The following ARHGAP26 variants were observed in gnomAD, a reference collection of about 807,000 sequenced individuals.
ARHGAP26 encodes Rho GTPase activating protein 26.
ARHGAP26 carries 38 observed loss-of-function variants against 104.8 expected under a neutral mutation model. That is an observed-to-expected ratio of 0.36 (90% CI 0.28 to 0.48). ARHGAP26 has a LOEUF of 0.48. ARHGAP26 is among the 20% of genes least tolerant of loss of function. The pLI, the probability that ARHGAP26 is intolerant of heterozygous loss-of-function variation, is 0.99. For synonymous variants in ARHGAP26, 341 were observed against 340.0 expected (o/e 1.00, Z -0.03); for missense variants, 704 against 947.9 (o/e 0.74, Z 3.38).
chr5:143,119,475 C>T (rs1362107741), intron 17 of ARHGAP26, among the ~76,000 whole-genome samples: 2 of 152,136 alleles, frequency 1.3e-5, no homozygotes, highest in Non-Finnish European at 2.9e-5. Context: ...GGCACAGAAC[C>T]GAAGTCTCTC....
At chr5:142,891,396 C>T (rs1021200214) in intron 5 of ARHGAP26, among the ~76,000 whole-genome samples, 3 of 151,938 alleles carry the variant, frequency 2.0e-5, no homozygotes, top group African/African-American at 7.3e-5. Flanking sequence ...TGAGAATGTC[C>T]ATTGCTGTGG....
At chr5:142,862,272 G>A (rs1753506942) in intron 1 of ARHGAP26, among the ~76,000 whole-genome samples, 1 of 152,214 alleles carries the variant, frequency 6.6e-6, no homozygotes, top group Non-Finnish European at 1.5e-5. Flanking sequence ...GATGTGGAAA[G>A]ACAGTAAGTT....
At chr5:143,204,396 G>A (rs563928383) in intron 20 of ARHGAP26, among the ~76,000 whole-genome samples, 1 of 152,024 alleles carries the variant, frequency 6.6e-6, no homozygotes, top group South Asian at 2.1e-4. Flanking sequence ...TGGTGGGGGG[G>A]ATCTATAATC....
intron 11 of ARHGAP26, among the ~76,000 whole-genome samples, chr5:142,999,659 A>G (rs1342945612): frequency 6.6e-6 from 1 of 152,192 alleles, no homozygotes; most frequent in Admixed American, 6.5e-5. Flanking sequence ...CATAAAATCT[A>G]AAACTATAAA....
At chr5:142,991,736 A>G (rs553703363) in intron 11 of ARHGAP26, among the ~76,000 whole-genome samples, 2 of 152,380 alleles carry the variant, frequency 1.3e-5, no homozygotes, top group Admixed American at 6.5e-5. Context: ...CCTAGGAACA[A>G]TAGGCTACAC....
At chr5:142,907,872 T>A in intron 9 of ARHGAP26, 68 bp downstream of exon 9, 1 of 1,088,572 alleles carries the variant, frequency 9.2e-7, no homozygotes, top group Non-Finnish European at 1.4e-6. Flanking sequence ...AATGCATGTA[T>A]AAAGTAACAC....
intron 5 of ARHGAP26, among the ~76,000 whole-genome samples, chr5:142,890,092 C>T (rs188120396): frequency 0.029 from 3,952 of 134,940 alleles, 69 homozygotes; most frequent in Middle Eastern, 0.064. Context: ...GCCGAATTCG[C>T]GCCATTGTAC....
At chr5:143,120,377 A>T (rs1001214429) in intron 17 of ARHGAP26, among the ~76,000 whole-genome samples, 4 of 152,216 alleles carry the variant, frequency 2.6e-5, no homozygotes, top group African/African-American at 9.6e-5. Context: ...AGCCATATAG[A>T]TGAATATACA....
intron 11 of ARHGAP26, among the ~76,000 whole-genome samples, chr5:143,011,666 T>A (rs1248942452): frequency 6.6e-6 from 1 of 152,134 alleles, no homozygotes; most frequent in Non-Finnish European, 1.5e-5. Flanking sequence ...CTCCAACCCC[T>A]TTGTTTGTGC....
At chr5:143,009,248 C>T (rs547065191) in intron 11 of ARHGAP26, among the ~76,000 whole-genome samples, 8 of 152,238 alleles carry the variant, frequency 5.3e-5, no homozygotes, top group East Asian at 3.9e-4. Context: ...TTCTTCCTTC[C>T]GGTGATTCAC....
Position 143,227,436 on chromosome 5 carries a change from A to G in ARHGAP26, c.*4990A>G, listed in dbSNP as rs755232824. The G allele has an allele frequency of 4.3e-6, 1 of 231,132 alleles. No individual in the cohort carries two copies. Among genetic ancestry groups the G allele is most frequent in the Non-Finnish European group, 8.6e-6 (1 of 116,766 alleles). 14.3% of individuals were successfully genotyped at this position (231,132 alleles called of 1,614,324 possible). A position where few individuals can be genotyped will look rare whatever the true frequency, so the allele number is the denominator to read the frequency against. Reference sequence around the variant, plus strand: ...ACCCACCCTGTGCTGGTGTCTAACAAATTTATCTTGTCATGCTCAAATGTG... The same window carrying G: ...ACCCACCCTGTGCTGGTGTCTAACAGATTTATCTTGTCATGCTCAAATGTG... On this transcript the variant is annotated 3_prime_UTR_variant, in exon 23 of 23. Transcript: ENST00000645722.
chr5:143,093,684 CTCTCTGCT>C (rs1791831242), intron 17 of ARHGAP26, among the ~76,000 whole-genome samples: 1 of 151,976 alleles, frequency 6.6e-6, no homozygotes, highest in Non-Finnish European at 1.5e-5. Flanking sequence ...CCCCTTTCTC[CTCTCTGCT>C]AGTCTTTCCC....
At chr5:143,086,996 G>C (rs3776318) in intron 17 of ARHGAP26, among the ~76,000 whole-genome samples, 9 of 152,168 alleles carry the variant, frequency 5.9e-5, no homozygotes, top group African/African-American at 2.2e-4. Context: ...TGAGTTTTAC[G>C]AGCTTGCTAG....
chr5:142,842,940 C>T (rs184867728), intron 1 of ARHGAP26, among the ~76,000 whole-genome samples: 2 of 152,290 alleles, frequency 1.3e-5, no homozygotes, highest in Middle Eastern at 3.4e-3. Flanking sequence ...TGAAGAATCA[C>T]ATCAGTTAGA....
intron 20 of ARHGAP26, among the ~76,000 whole-genome samples, chr5:143,161,452 T>C (rs1432020602): frequency 6.6e-6 from 1 of 152,222 alleles, no homozygotes; most frequent in Non-Finnish European, 1.5e-5. Flanking sequence ...TGTTGAGCTA[T>C]ATATAGTTCT....
intron 22 of ARHGAP26, 23 bp downstream of exon 22, chr5:143,214,111 A>C: frequency 1.3e-5 from 6 of 451,038 alleles, no homozygotes; most frequent in Non-Finnish European, 2.7e-5. Flanking sequence ...TCCCCTCACA[A>C]AGATATGGGC....
intron 14 of ARHGAP26, among the ~76,000 whole-genome samples, chr5:143,048,606 C>A (rs147761771): frequency 6.6e-6 from 1 of 150,858 alleles, no homozygotes; most frequent in Admixed American, 6.6e-5. Flanking sequence ...TTTTTCTAAA[C>A]GAATTATGCC....
At chr5:142,787,954 G>T (rs1759000718) in intron 1 of ARHGAP26, among the ~76,000 whole-genome samples, 1 of 149,542 alleles carries the variant, frequency 6.7e-6, no homozygotes, top group South Asian at 2.1e-4. Context: ...GGATGGTTAG[G>T]TTGTATCTCT....
intron 20 of ARHGAP26, among the ~76,000 whole-genome samples, chr5:143,174,524 CTACCCTTTTATACTGA>C (rs997835251): frequency 4.6e-5 from 7 of 152,150 alleles, no homozygotes; most frequent in African/African-American, 9.7e-5. Context: ...TTTTTCCTGT[CTACCCTTTTATACTGA>C]TACCCTTTTA....
Sources: allele counts gnomAD v4.1 joint callset (sites outside exome capture counted in the v4.1 genomes callset), GRCh38; gene constraint gnomAD v4.1.1; transcripts MANE v1.5; gene names NCBI Gene and HGNC (gene_info 2026-07-23, HGNC 2026-07-21).